SOX5: variants seen among roughly 807,000 people sequenced by gnomAD.
The protein encoded by SOX5 is SRY-box transcription factor 5, also known as transcription factor SOX-5.
Under a neutral mutation model 92.0 loss-of-function variants are expected in SOX5, and 9 were observed. The observed-to-expected ratio is 0.10, with a 90% CI of 0.06 to 0.17. The LOEUF (loss-of-function observed/expected upper bound fraction) is 0.17. SOX5 is among the 10% of genes least tolerant of loss of function. The probability of loss-of-function intolerance (pLI) is 1.00; values close to 1 mark genes in which losing one functional copy is unlikely to be tolerated. For synonymous variants in SOX5, 344 were observed against 336.3 expected, an observed-to-expected ratio of 1.02 and a Z score of -0.25; for missense variants, 642 against 944.5, an observed-to-expected ratio of 0.68 and a Z score of 4.20.
intron 4 of SOX5, among the ~76,000 whole-genome samples, chr12:23,965,610 T>C (rs1366444382): frequency 2.0e-5 from 3 of 152,012 alleles, no homozygotes; most frequent in Admixed American, 2.0e-4. Flanking sequence ...TTCTGTTTCG[T>C]TTTGTTTTTG....
intron 1 of SOX5, among the ~76,000 whole-genome samples, chr12:24,456,777 C>G (rs1479075924): frequency 6.6e-6 from 1 of 152,178 alleles, no homozygotes. Flanking sequence ...CTGAGTCTCA[C>G]TAATTAAAGA....
At chr12:23,721,653 C>CT (rs1223031853) in intron 6 of SOX5, among the ~76,000 whole-genome samples, 1 of 152,184 alleles carries the variant, frequency 6.6e-6, no homozygotes, top group Non-Finnish European at 1.5e-5. Flanking sequence ...AAATGACTAT[C>CT]TTTGAGTATA....
At chr12:24,269,635 A>C (rs1182083057) in intron 3 of SOX5, among the ~76,000 whole-genome samples, 1 of 150,804 alleles carries the variant, frequency 6.6e-6, no homozygotes, top group Non-Finnish European at 1.5e-5. Flanking sequence ...ATTCCATTCA[A>C]TCTAATACCT....
chr12:24,497,783 A>G (rs1947795325), intron 1 of SOX5, among the ~76,000 whole-genome samples: 2 of 152,220 alleles, frequency 1.3e-5, no homozygotes, highest in African/African-American at 4.8e-5. Context: ...ACAACAGACA[A>G]GACATGGAAT....
intron 4 of SOX5, among the ~76,000 whole-genome samples, chr12:24,024,926 T>C (rs894834881): frequency 1.8e-4 from 27 of 152,018 alleles, no homozygotes; most frequent in Admixed American, 1.8e-3. Context: ...CCAGAGGTGA[T>C]TTCTCTGAAC....
At chr12:24,148,495 AAAAAAAAAAG>A (rs1412943666) in intron 4 of SOX5, among the ~76,000 whole-genome samples, 50 of 142,736 alleles carry the variant, frequency 3.5e-4, no homozygotes, top group African/African-American at 1.1e-3. Context: ...AAAAAAAAAA[AAAAAAAAAAG>A]AGAGAGAGAG....
intron 4 of SOX5, among the ~76,000 whole-genome samples, chr12:24,104,660 T>C (rs1279150509): frequency 1.3e-5 from 2 of 152,216 alleles, no homozygotes; most frequent in African/African-American, 2.4e-5. Flanking sequence ...CATCAGTACA[T>C]GCCAGTGAGG....
chr12:24,190,207 T>A (rs1045885433), intron 4 of SOX5, among the ~76,000 whole-genome samples: 7 of 152,124 alleles, frequency 4.6e-5, no homozygotes, highest in African/African-American at 1.7e-4. Flanking sequence ...AATACATGAA[T>A]ATTACCCAAA....
intron 11 of SOX5, among the ~76,000 whole-genome samples, chr12:23,551,882 T>C (rs1247945756): frequency 6.6e-6 from 1 of 151,866 alleles, no homozygotes; most frequent in African/African-American, 2.4e-5. Context: ...GCTTGCTTCA[T>C]GAAAAGTTGC....
intron 1 of SOX5, among the ~76,000 whole-genome samples, chr12:23,935,940 A>C (rs554975078): frequency 1.3e-5 from 2 of 151,204 alleles, no homozygotes; most frequent in African/African-American, 4.8e-5. Context: ...TGAATGTCCG[A>C]GTTTGTACCC....
At chr12:23,547,771 A>C (rs1314333986) in intron 11 of SOX5, among the ~76,000 whole-genome samples, 1 of 152,174 alleles carries the variant, frequency 6.6e-6, no homozygotes, top group African/African-American at 2.4e-5. Context: ...TATTAACTTT[A>C]GTTCTATAGA....
upstream of SOX5, chr12:23,950,781 A>C: frequency 8.0e-7 from 1 of 1,253,284 alleles, no homozygotes; most frequent in East Asian, 2.5e-5. Context: ...ATCTAGATAA[A>C]AATCTGGCAG....
chr12:24,151,312 C>G (rs1386880342), intron 4 of SOX5, among the ~76,000 whole-genome samples: 1 of 151,972 alleles, frequency 6.6e-6, no homozygotes, highest in African/African-American at 2.4e-5. Flanking sequence ...TTAGAAATAT[C>G]TGCAAAGGTG....
chr12:23,759,851 C>T (rs939796682), intron 3 of SOX5, among the ~76,000 whole-genome samples: 1 of 152,040 alleles, frequency 6.6e-6, no homozygotes, highest in Non-Finnish European at 1.5e-5. Flanking sequence ...TAAAAATGCA[C>T]AAGCATAGAA....
chr12:24,385,926 CAAA>C (rs35813329), intron 1 of SOX5, among the ~76,000 whole-genome samples: 3,303 of 73,450 alleles, frequency 0.045, 113 homozygotes, highest in South Asian at 0.097. Flanking sequence ...GACCTTGTCA[CAAA>C]AAAAAAAAAA....
intron 2 of SOX5, among the ~76,000 whole-genome samples, chr12:24,332,234 C>T (rs1011016718): frequency 2.3e-4 from 35 of 152,160 alleles, no homozygotes; most frequent in African/African-American, 8.0e-4. Flanking sequence ...GAAAAAACCA[C>T]GTTACCTCAA....
chr12:24,160,757 T>C (rs1363091963), intron 4 of SOX5, among the ~76,000 whole-genome samples: 1 of 151,960 alleles, frequency 6.6e-6, no homozygotes, highest in African/African-American at 2.4e-5. Context: ...TGACCACACA[T>C]CAACCTGCAT....
At chr12:23,860,952 TA>T (rs71059935) in intron 2 of SOX5, among the ~76,000 whole-genome samples, 5,248 of 45,780 alleles carry the variant, frequency 0.11, 107 homozygotes, top group Non-Finnish European at 0.14. Flanking sequence ...GTATATTTTG[TA>T]AAAAAAAAAA....
chr12:23,734,301 A>T (rs1185081752), intron 6 of SOX5, among the ~76,000 whole-genome samples: 1 of 152,180 alleles, frequency 6.6e-6, no homozygotes, highest in East Asian at 1.9e-4. Context: ...GCAATAAAAA[A>T]GTTCTATCTG....
Sources: gnomAD v4.1 joint callset for allele counts (sites outside exome capture counted in the v4.1 genomes callset) on GRCh38, gnomAD v4.1.1 for gene constraint, MANE v1.5 for transcripts, NCBI Gene and HGNC (gene_info 2026-07-23, HGNC 2026-07-21) for gene names.